The following INTS6 variants were observed in gnomAD, a reference collection of about 807,000 sequenced individuals.
The protein encoded by INTS6 is integrator complex subunit 6.
INTS6 carries 16 observed loss-of-function variants against 104.9 expected under a neutral mutation model. The observed-to-expected ratio is 0.15, with a 90% CI of 0.10 to 0.23. The LOEUF (loss-of-function observed/expected upper bound fraction) is 0.23, where lower values mean the gene tolerates loss of function less well. Among genes scored for constraint, INTS6 ranks in the 10% least tolerant of loss-of-function variants. INTS6 has a pLI of 1.00. For missense variants in INTS6, 584 were observed against 1,062.8 expected (o/e 0.55, Z 6.26); for synonymous variants, 324 against 358.7 (o/e 0.90, Z 1.09).
At chr13:51,372,297 A>C (rs1023915937) in intron 15 of INTS6, among the ~76,000 whole-genome samples, 7 of 146,528 alleles carry the variant, frequency 4.8e-5, no homozygotes, top group African/African-American at 1.8e-4. Flanking sequence ...ATTTCTCTTG[A>C]TTGAACAGTT....
intron 3 of INTS6, among the ~76,000 whole-genome samples, chr13:51,435,306 T>C (rs1957166920): frequency 6.6e-6 from 1 of 152,026 alleles, no homozygotes; most frequent in South Asian, 2.1e-4. Context: ...TATAATGTTC[T>C]AGCTCTAGAG....
chr13:51,439,267 AGAAG>A (rs1952749393), intron 3 of INTS6: 1 of 152,234 alleles, frequency 6.6e-6, no homozygotes, highest in South Asian at 2.1e-4. Context: ...AAAAACTAAT[AGAAG>A]GAAGATGTCA....
At chr13:51,409,886 C>T (rs1291942774) in intron 4 of INTS6, among the ~76,000 whole-genome samples, 1 of 151,994 alleles carries the variant, frequency 6.6e-6, no homozygotes, top group African/African-American at 2.4e-5. Context: ...AGAAAAGCTA[C>T]TAGGTAACAA....
At chr13:51,344,280 T>A in the INTS6 span, 1 of 1,613,978 alleles carries the variant, frequency 6.2e-7, no homozygotes, top group Non-Finnish European at 8.5e-7. Flanking sequence ...TCTTGCATGC[T>A]GTTTATGCCA....
chr13:51,344,119 T>A, the INTS6 span: 1 of 681,166 alleles, frequency 1.5e-6, no homozygotes, highest in Admixed American at 2.3e-5. Context: ...AAACTGGCTT[T>A]GTATGGTAGA....
Position 51,425,297 on chromosome 13 carries a change from T to C in INTS6, c.429+4997A>G, listed in dbSNP as rs117466635. ...TACACAGCTGAGACTACTCATTCTCTTTCTATGAAGACATGCCCTTACCGA... is the reference window on the plus strand; with the variant it reads ...TACACAGCTGAGACTACTCATTCTCCTTCTATGAAGACATGCCCTTACCGA... On this transcript the variant is annotated intron_variant, in intron 4 of 17. Transcript: ENST00000311234. 2.2e-3 allele frequency among the ~76,000 whole-genome samples: 328 copies of C among 152,192 alleles called. 2 individuals are homozygous for C. The highest frequency in any genetic ancestry group is 3.8e-3 in the Non-Finnish European group (259 of 67,930).
intron 5 of INTS6, among the ~76,000 whole-genome samples, chr13:51,390,132 A>G (rs1240341982): frequency 1.3e-5 from 2 of 152,020 alleles, no homozygotes; most frequent in Non-Finnish European, 2.9e-5. Context: ...GATACCAGTG[A>G]AAAGATCTTT....
intron 2 of INTS6, 94 bp downstream of exon 2, chr13:51,451,884 G>C (rs1009083198): frequency 3.6e-5 from 27 of 760,356 alleles, no homozygotes; most frequent in Non-Finnish European, 5.6e-5. Context: ...TGGGGGAGGG[G>C]AGCATAATGA....
At chr13:51,420,050 C>T (rs76262179) in intron 4 of INTS6, among the ~76,000 whole-genome samples, 1,730 of 152,284 alleles carry the variant, frequency 0.011, 26 homozygotes, top group East Asian at 0.071. Context: ...ACACACTATA[C>T]AGGCTGAAAA....
the INTS6 span, among the ~76,000 whole-genome samples, chr13:51,344,042 G>A: frequency 6.6e-6 from 1 of 152,122 alleles, no homozygotes. Flanking sequence ...TATCTAGCAT[G>A]GTTTCTTCCC....
the INTS6 span, chr13:51,348,151 G>C: frequency 1.9e-5 from 25 of 1,324,688 alleles, no homozygotes; most frequent in African/African-American, 3.2e-4. Context: ...CTCAGGGTCC[G>C]ACACTGGTTC....
chr13:51,341,314 C>T, the INTS6 span: 1 of 1,610,428 alleles, frequency 6.2e-7, no homozygotes, highest in South Asian at 1.1e-5. Context: ...CACTGGTCAG[C>T]AGCTGGCAGA....
At chr13:51,374,604 T>A in intron 14 of INTS6, 50 bp downstream of exon 14, 8 of 1,598,316 alleles carry the variant, frequency 5.0e-6, no homozygotes, top group Non-Finnish European at 6.8e-6. Context: ...ACTATAAAAC[T>A]GACAGTGCCT....
intron 4 of INTS6, among the ~76,000 whole-genome samples, chr13:51,414,847 C>CAT (rs1956757739): frequency 6.6e-6 from 1 of 151,232 alleles, no homozygotes; most frequent in Non-Finnish European, 1.5e-5. Context: ...CACACACACA[C>CAT]ACACACACAC....
intron 15 of INTS6, among the ~76,000 whole-genome samples, chr13:51,371,583 T>C (rs561926508): frequency 3.3e-5 from 5 of 152,062 alleles, no homozygotes; most frequent in Non-Finnish European, 7.4e-5. Flanking sequence ...CAGACTTGCA[T>C]TTGGAATCAT....
intron 4 of INTS6, among the ~76,000 whole-genome samples, chr13:51,424,186 A>G (rs1956945614): frequency 6.6e-6 from 1 of 152,100 alleles, no homozygotes; most frequent in Non-Finnish European, 1.5e-5. Flanking sequence ...GCTAATAAAC[A>G]CAGGGTGAAA....
intron 4 of INTS6, among the ~76,000 whole-genome samples, chr13:51,415,646 C>T (rs1956775065): frequency 1.6e-5 from 2 of 128,402 alleles, no homozygotes; most frequent in Admixed American, 1.7e-4. Context: ...ACTTTAAGTC[C>T]ATTAAACCTC....
At chr13:51,449,592 T>C (rs1215462497) in intron 3 of INTS6, 16 of 985,210 alleles carry the variant, frequency 1.6e-5, no homozygotes, top group Non-Finnish European at 1.8e-5. Context: ...TGCCATACAC[T>C]AACAACATGA....
intron 4 of INTS6, among the ~76,000 whole-genome samples, chr13:51,398,273 G>A (rs1362921742): frequency 6.6e-6 from 1 of 152,108 alleles, no homozygotes; most frequent in African/African-American, 2.4e-5. Context: ...CAAAGGGGGT[G>A]GGGAGGTCTT....
Sources: gnomAD v4.1 joint callset for allele counts (sites outside exome capture counted in the v4.1 genomes callset) on GRCh38, gnomAD v4.1.1 for gene constraint, MANE v1.5 for transcripts, NCBI Gene and HGNC (gene_info 2026-07-23, HGNC 2026-07-21) for gene names.